TMEM131: variants seen among roughly 807,000 people sequenced by gnomAD.
The protein encoded by TMEM131 is 2610524E03Rik.
A neutral mutation model predicts 211.6 loss-of-function variants in TMEM131; 66 were observed. The observed-to-expected ratio is 0.31, with a 90% CI of 0.26 to 0.38. The LOEUF is 0.38. Among genes scored for constraint, TMEM131 ranks in the 10% least tolerant of loss-of-function variants. The pLI is 1.00. For synonymous variants in TMEM131, 844 were observed against 841.3 expected, an observed-to-expected ratio of 1.00 and a Z score of -0.06; for missense variants, 2,036 against 2,299.3, an observed-to-expected ratio of 0.89 and a Z score of 2.34.
intron 5 of TMEM131, among the ~76,000 whole-genome samples, chr2:97,853,939 A>G (rs1047330653): frequency 2.6e-4 from 40 of 152,376 alleles, no homozygotes; most frequent in Middle Eastern, 6.8e-3. Flanking sequence ...ATGACAGCAA[A>G]GAACTTAGAA....
In TMEM131 at chr2:97,822,025, A is replaced by T. The variant is rs529392757; in HGVS notation, c.1075-3304T>A. On this transcript the variant is annotated intron_variant, in intron 11 of 40. Transcript: ENST00000186436. ...TATGTTGCCCAAGCGAGACTTGCCTATCTATCCTATCTATCCTGACCCTTG... is the reference window on the plus strand; with the variant it reads ...TATGTTGCCCAAGCGAGACTTGCCTTTCTATCCTATCTATCCTGACCCTTG... Among the ~76,000 whole-genome samples, 129 of 152,276 alleles carry T rather than the reference A, an allele frequency of 8.5e-4. 1 individual carries two copies. The highest frequency in any genetic ancestry group is 3.1e-3 in the African/African-American group (128 of 41,556).
At chr2:97,857,711 A>G (rs1673903982) in intron 5 of TMEM131, among the ~76,000 whole-genome samples, 1 of 152,210 alleles carries the variant, frequency 6.6e-6, no homozygotes, top group Non-Finnish European at 1.5e-5. Context: ...ACTGAAGTGT[A>G]ATATGATATA....
intron 6 of TMEM131, among the ~76,000 whole-genome samples, chr2:97,842,954 C>T (rs1400242571): frequency 2.0e-5 from 3 of 151,908 alleles, no homozygotes; most frequent in Non-Finnish European, 4.4e-5. Flanking sequence ...TAAAGATTTA[C>T]TCACCATACA....
chr2:97,829,320 C>T (rs973606327), intron 11 of TMEM131, among the ~76,000 whole-genome samples: 1 of 152,086 alleles, frequency 6.6e-6, no homozygotes, highest in Non-Finnish European at 1.5e-5. Context: ...TGTAAAAATG[C>T]ACCCATCAGC....
chr2:97,904,332 ATACATG>A (rs2104350365), intron 3 of TMEM131, among the ~76,000 whole-genome samples: 1 of 152,262 alleles, frequency 6.6e-6, no homozygotes, highest in South Asian at 2.1e-4. Flanking sequence ...AAAATTATAA[ATACATG>A]TACATGTATG....
chr2:97,827,811 C>G (rs377751431), intron 11 of TMEM131, among the ~76,000 whole-genome samples: 1 of 151,842 alleles, frequency 6.6e-6, no homozygotes, highest in Non-Finnish European at 1.5e-5. Context: ...CTGATTGTCT[C>G]GGGTGTCAGC....
chr2:97,802,928 T>C (rs1681103812), intron 22 of TMEM131, 138 bp from the exon 23 acceptor site: 1 of 720,384 alleles, frequency 1.4e-6, no homozygotes, highest in South Asian at 2.1e-5. Context: ...TCTAATATTT[T>C]ACTATGCTTG....
In TMEM131 at chr2:97,759,729, A is replaced by T; in HGVS notation, c.5129T>A (p.Val1710Asp). 4 of 1,613,288 alleles carry T rather than the reference A, an allele frequency of 2.5e-6. No homozygotes were observed. The South Asian group carries it at 3.3e-5, about 13-fold the overall frequency. The change falls in exon 39 of 41, where the codon GTC becomes GAC. Residue 1710 changes from valine to aspartate, a missense_variant. Transcript: ENST00000186436. ...GSDSSGLWSPVSNPSSPDFTP... is the reference protein window; with the variant it reads ...GSDSSGLWSPDSNPSSPDFTP... ...GAAGTCAGGGCTGCTTGGGTTGCTG[A>T]CGGGACTCCACAAACCCGAGCTAAA...
chr2:97,821,748 A>G (rs143682202), intron 11 of TMEM131, among the ~76,000 whole-genome samples: 4,445 of 152,170 alleles, frequency 0.029, 81 homozygotes, highest in Middle Eastern at 0.065. Flanking sequence ...GGGGCTAAAT[A>G]CCGGACACCT....
chr2:97,966,782 C>T (rs1679078077), intron 1 of TMEM131, among the ~76,000 whole-genome samples: 1 of 152,112 alleles, frequency 6.6e-6, no homozygotes, highest in Non-Finnish European at 1.5e-5. Context: ...CCTATTATCC[C>T]CATTAAACAA....
intron 19 of TMEM131, among the ~76,000 whole-genome samples, 177 bp from the exon 20 acceptor site, chr2:97,805,880 A>C (rs1418574210): frequency 2.0e-5 from 3 of 152,230 alleles, no homozygotes; most frequent in Non-Finnish European, 4.4e-5. Flanking sequence ...CTCACCAAAA[A>C]ACTTTTTTTT....
chr2:97,902,395 T>C (rs994521074), intron 3 of TMEM131, among the ~76,000 whole-genome samples: 1 of 152,206 alleles, frequency 6.6e-6, no homozygotes, highest in Non-Finnish European at 1.5e-5. Flanking sequence ...TGTAGACAGA[T>C]AACTGGAGCC....
chr2:97,833,537 G>T (rs2105063995), intron 10 of TMEM131, 111 bp from the exon 11 acceptor site: 1 of 601,794 alleles, frequency 1.7e-6, no homozygotes, highest in African/African-American at 2.0e-5. Context: ...GAAATACAAT[G>T]ACAATAAGAT....
At chr2:97,986,410 C>G (rs1680029866) in intron 1 of TMEM131, among the ~76,000 whole-genome samples, 1 of 152,096 alleles carries the variant, frequency 6.6e-6, no homozygotes, top group Non-Finnish European at 1.5e-5. Context: ...CATGTTAGTT[C>G]TTGACTGGTT....
chr2:97,941,882 G>C (rs1677747683), intron 1 of TMEM131, among the ~76,000 whole-genome samples: 1 of 152,204 alleles, frequency 6.6e-6, no homozygotes, highest in South Asian at 2.1e-4. Flanking sequence ...TGGTGGGACT[G>C]TAAACTAGTT....
At chr2:97,975,452 G>A (rs1559485295) in intron 1 of TMEM131, among the ~76,000 whole-genome samples, 1 of 152,092 alleles carries the variant, frequency 6.6e-6, no homozygotes, top group African/African-American at 2.4e-5. Flanking sequence ...CATCATTACA[G>A]TTGCTACAAA....
At chr2:97,867,147 T>C (rs1275130577) in intron 4 of TMEM131, among the ~76,000 whole-genome samples, 1 of 152,250 alleles carries the variant, frequency 6.6e-6, no homozygotes, top group East Asian at 1.9e-4. Flanking sequence ...ATGCCTGAGC[T>C]GAATAAGTAT....
intron 31 of TMEM131, among the ~76,000 whole-genome samples, chr2:97,780,054 C>CA (rs1453707029): frequency 6.0e-5 from 9 of 151,082 alleles, no homozygotes; most frequent in South Asian, 2.1e-4. Context: ...AAAAAACAAA[C>CA]AAACAAAAAA....
intron 1 of TMEM131, among the ~76,000 whole-genome samples, chr2:97,943,101 G>GCAAGCAAGCAAGCA (rs1225034857): frequency 3.3e-5 from 5 of 149,424 alleles, no homozygotes; most frequent in Non-Finnish European, 4.4e-5. Context: ...AAGAAAGAAA[G>GCAAGCAAGCAAGCA]AGCTGGGTGT....
Sources: allele counts gnomAD v4.1 joint callset (sites outside exome capture counted in the v4.1 genomes callset), GRCh38; gene constraint gnomAD v4.1.1; transcripts MANE v1.5; gene names NCBI Gene and HGNC (gene_info 2026-07-23, HGNC 2026-07-21).